Variants in MAPK8IP3 observed in about 807,000 individuals in gnomAD.
The protein encoded by MAPK8IP3 is C-Jun-amino-terminal kinase-interacting protein 3.
In MAPK8IP3, 49 loss-of-function variants were observed where a neutral mutation model predicts 157.8. The ratio of observed to expected loss-of-function variants is 0.31; its 90% CI spans 0.25 to 0.39. The LOEUF is 0.39. Ranked by LOEUF, MAPK8IP3 falls within the 10% of genes least tolerant of loss-of-function variation. The pLI, the probability that MAPK8IP3 is intolerant of heterozygous loss-of-function variation, is 1.00. For synonymous variants in MAPK8IP3, 897 were observed against 777.7 expected, an observed-to-expected ratio of 1.15 and a Z score of -2.55; for missense variants, 1,478 against 1,889.4, an observed-to-expected ratio of 0.78 and a Z score of 4.04.
In MAPK8IP3 at chr16:1,768,664, G is replaced by T. The variant is rs377575166; in HGVS notation, c.3892+38G>T. On this transcript the variant is annotated intron_variant, in intron 31 of 31. Coordinates refer to ENST00000610761, the MANE Select transcript of MAPK8IP3 (RefSeq NM_001318852.2). Reference sequence around the variant, plus strand: ...CAGGGACAGGGCTGAGGTTGGGCGCGGGGGGAGCCTGGCCGTCACTCTGCT... The same window carrying T: ...CAGGGACAGGGCTGAGGTTGGGCGCTGGGGGAGCCTGGCCGTCACTCTGCT... 7.5e-6 allele frequency: 12 copies of T among 1,610,728 alleles called. No homozygotes were observed. In the South Asian group the frequency reaches 7.7e-5, roughly 10 times the overall value.
intron 4 of MAPK8IP3, among the ~76,000 whole-genome samples, chr16:1,737,867 T>C (rs1488031676): frequency 8.8e-5 from 7 of 79,956 alleles, no homozygotes; most frequent in African/African-American, 2.0e-4. Flanking sequence ...TGTGAGCATC[T>C]GTGTGACCGT....
chr16:1,758,511 TGAAGCCCCTAC>T (rs1285592375), intron 9 of MAPK8IP3, among the ~76,000 whole-genome samples: 2 of 152,260 alleles, frequency 1.3e-5, no homozygotes, highest in East Asian at 3.9e-4. Flanking sequence ...CAGGGGTCCT[TGAAGCCCCTAC>T]GAAGCCCAGC....
intron 4 of MAPK8IP3, among the ~76,000 whole-genome samples, chr16:1,736,140 G>A (rs1163017793): frequency 1.4e-5 from 2 of 138,756 alleles, no homozygotes; most frequent in Admixed American, 7.6e-5. Context: ...CCATCCATGT[G>A]AGCATCTGTG....
At chr16:1,722,702 A>G (rs964837434) in intron 1 of MAPK8IP3, among the ~76,000 whole-genome samples, 1 of 152,008 alleles carries the variant, frequency 6.6e-6, no homozygotes, top group East Asian at 1.9e-4. Context: ...CCATCTCAAA[A>G]AAAAAAAAAA....
In MAPK8IP3 at chr16:1,748,313, G is replaced by A; in HGVS notation, c.1064G>A (p.Cys355Tyr). The A allele has an allele frequency of 6.2e-7, 1 of 1,613,930 alleles. No individual in the cohort carries two copies. Among genetic ancestry groups the A allele is most frequent in the Non-Finnish European group, 8.5e-7 (1 of 1,180,010 alleles). Residue 355 changes from cysteine to tyrosine, a missense_variant, in exon 7 of 32, where the codon TGT (cysteine) becomes TAT (tyrosine). Transcript: ENST00000610761. ...GACTCCACGCCAGAGCTGGACATGT[G>A]TCCAGAGACCCGCCTGGACCGCACA... Reference protein sequence around the residue: ...IIDSTPELDMCPETRLDRTGS... With the variant: ...IIDSTPELDMYPETRLDRTGS...
chr16:1,768,775 C>G lies in MAPK8IP3; in HGVS notation c.3965C>G (p.Ala1322Gly). The change falls in exon 32 of 32, where the codon GCA becomes GGA. Residue 1322 changes from alanine to glycine, a missense_variant. Coordinates refer to ENST00000610761, the MANE Select transcript of MAPK8IP3 (RefSeq NM_001318852.2). The stretch of plus-strand genomic sequence containing the variant: ...CAGGTGAAGCCCGTGCTGTCCAAGG[C>G]AGAGCGCAGTCACATCATCGTGTGG... ...MSQVKPVLSK[A>G]ERSHIIVWQV... The G allele has an allele frequency of 6.2e-7, 1 of 1,612,742 alleles. No homozygotes were observed. The highest frequency in any genetic ancestry group is 8.5e-7 in the Non-Finnish European group (1 of 1,179,852).
intron 4 of MAPK8IP3, among the ~76,000 whole-genome samples, chr16:1,737,665 C>T (rs573055339): frequency 3.0e-4 from 18 of 59,608 alleles, no homozygotes; most frequent in Admixed American, 9.6e-4. Context: ...TGTGAGCGTC[C>T]GTGTGAGCGT....
intron 8 of MAPK8IP3, among the ~76,000 whole-genome samples, chr16:1,754,022 A>C (rs921751722): frequency 6.6e-6 from 1 of 151,720 alleles, no homozygotes; most frequent in Non-Finnish European, 1.5e-5. Flanking sequence ...AATACAAAAG[A>C]ATTAACTGAG....
intron 16 of MAPK8IP3, 67 bp from the exon 17 acceptor site, chr16:1,763,590 C>T (rs2042076359): frequency 7.0e-7 from 1 of 1,419,392 alleles, no homozygotes; most frequent in Admixed American, 2.8e-5. Context: ...TCCCCCAGGA[C>T]AAGCCTGGGG....
chr16:1,711,411 C>A (rs2037761665), intron 1 of MAPK8IP3, among the ~76,000 whole-genome samples: 1 of 152,160 alleles, frequency 6.6e-6, no homozygotes, highest in African/African-American at 2.4e-5. Context: ...TGGAGCATGT[C>A]CTCAGGCCTC....
chr16:1,757,500 G>A (rs1596750382), intron 8 of MAPK8IP3, among the ~76,000 whole-genome samples: 1 of 152,196 alleles, frequency 6.6e-6, no homozygotes, highest in Non-Finnish European at 1.5e-5. Context: ...GTGTTTTCCC[G>A]CAGAGCGTTT....
At position 1,761,667 on chromosome 16, in the gene MAPK8IP3, T is replaced by TCACAGGCGGGGCGGC. The variant is rs1567201238; in HGVS notation, c.1539+365_1539+366insAGGCGGGGCGGCCAC. 1.3e-4 allele frequency among the ~76,000 whole-genome samples: 10 copies of TCACAGGCGGGGCGGC among 77,878 alleles called. 1 individual carries two copies. Among genetic ancestry groups the TCACAGGCGGGGCGGC allele is most frequent in the African/African-American group, 7.4e-4 (9 of 12,170 alleles). 51.1% of individuals were successfully genotyped at this position (77,878 alleles called of 152,430 possible). On this transcript the variant is annotated intron_variant, in intron 13 of 31. Coordinates refer to ENST00000610761, the MANE Select transcript of MAPK8IP3 (RefSeq NM_001318852.2). ...CATTCACAGGCGGGGCGGCCACCAT[T>TCACAGGCGGGGCGGC]CACCATTCACAGGCGGGGCGGCCAC...
At chr16:1,721,045 A>C (rs2038483308) in intron 1 of MAPK8IP3, among the ~76,000 whole-genome samples, 2 of 151,200 alleles carry the variant, frequency 1.3e-5, no homozygotes, top group African/African-American at 2.4e-5. Context: ...AAAAAAAAAA[A>C]AACAAAACAA....
intron 4 of MAPK8IP3, among the ~76,000 whole-genome samples, chr16:1,735,414 C>T (rs903441353): frequency 2.1e-5 from 3 of 143,136 alleles, no homozygotes; most frequent in Non-Finnish European, 4.6e-5. Context: ...TCCATGTGAG[C>T]GTCCGTGTGA....
At chr16:1,709,769 C>T (rs767653635) in intron 1 of MAPK8IP3, among the ~76,000 whole-genome samples, 20 of 152,242 alleles carry the variant, frequency 1.3e-4, no homozygotes, top group African/African-American at 2.7e-4. Flanking sequence ...CGGGCTTACC[C>T]GGGCAGCAAA....
At chr16:1,756,474 G>A (rs987650351) in intron 8 of MAPK8IP3, among the ~76,000 whole-genome samples, 8 of 151,852 alleles carry the variant, frequency 5.3e-5, no homozygotes, top group Admixed American at 2.6e-4. Flanking sequence ...GTGACAGAAC[G>A]AGACCCCATC....
At position 1,719,289 on chromosome 16, in the gene MAPK8IP3, G is replaced by GA. The variant is rs76576576; in HGVS notation, c.319-5256dup. Among the ~76,000 whole-genome samples, 1,251 of 136,288 alleles carry GA rather than the reference G, an allele frequency of 9.2e-3. 7 individuals carry two copies. Among genetic ancestry groups the GA allele is most frequent in the Middle Eastern group, 0.015 (4 of 264 alleles). 89.4% of individuals were successfully genotyped at this position (136,288 alleles called of 152,430 possible). On this transcript the variant is annotated intron_variant, in intron 1 of 31. Transcript: ENST00000610761. ...CAGCCTGAGACCCAATCTTTAAAAA[G>GA]AAAAAAAAAAAATGGCCCCTTCCTA...
Position 1,762,334 on chromosome 16 carries a change from T to C in MAPK8IP3, c.1540-17T>C. On this transcript the variant is annotated splice_polypyrimidine_tract_variant and intron_variant, in intron 13 of 31. Coordinates refer to ENST00000610761, the MANE Select transcript of MAPK8IP3 (RefSeq NM_001318852.2). The stretch of plus-strand genomic sequence containing the variant: ...CCTCCGAGGGCTGGCTGAGCCTCTG[T>C]GCCCCTCCCTCCGCAGGACAAAATC... 6.4e-7 allele frequency: 1 copy of C among 1,560,552 alleles called. No homozygotes were observed. Among genetic ancestry groups the C allele is most frequent in the Non-Finnish European group, 8.7e-7 (1 of 1,153,968 alleles).
chr16:1,762,211 C>G (rs2041993579), intron 13 of MAPK8IP3, 140 bp from the exon 14 acceptor site: 4 of 1,163,294 alleles, frequency 3.4e-6, no homozygotes, highest in Non-Finnish European at 4.7e-6. Context: ...CTTGCCGACA[C>G]CCCTCCACAC....
Sources: allele counts gnomAD v4.1 joint callset (sites outside exome capture counted in the v4.1 genomes callset), GRCh38; gene constraint gnomAD v4.1.1; transcripts MANE v1.5; gene names NCBI Gene and HGNC (gene_info 2026-07-23, HGNC 2026-07-21).